The following CCSER1 variants were observed in gnomAD, a reference collection of about 807,000 sequenced individuals.
CCSER1 encodes coiled-coil serine rich protein 1, also known as serine-rich coiled-coil domain-containing protein 1.
A neutral mutation model predicts 82.0 loss-of-function variants in CCSER1; 41 were observed. The observed-to-expected ratio is 0.50, with a 90% CI of 0.39 to 0.65. The LOEUF (loss-of-function observed/expected upper bound fraction) is 0.65. Among genes scored for constraint, CCSER1 ranks in the 30% least tolerant of loss-of-function variants. CCSER1 has a pLI of 0.00. For synonymous variants in CCSER1, 414 were observed against 383.9 expected (o/e 1.08, Z -0.92); for missense variants, 1,119 against 1,064.2 (o/e 1.05, Z -0.72).
At chr4:90,518,314 G>A (rs988257052) in intron 5 of CCSER1, among the ~76,000 whole-genome samples, 2 of 152,052 alleles carry the variant, frequency 1.3e-5, no homozygotes, top group African/African-American at 4.8e-5. Context: ...AACTGAGTGT[G>A]TAATTTATTA....
intron 10 of CCSER1, among the ~76,000 whole-genome samples, chr4:91,177,207 T>C (rs1342056156): frequency 6.6e-6 from 1 of 152,240 alleles, no homozygotes; most frequent in African/African-American, 2.4e-5. Flanking sequence ...GATGTGCTGC[T>C]GGATTCGGTT....
intron 4 of CCSER1, among the ~76,000 whole-genome samples, chr4:90,436,858 G>A (rs1286776841): frequency 1.3e-5 from 2 of 151,010 alleles, no homozygotes; most frequent in South Asian, 2.1e-4. Flanking sequence ...CCAGGCTGGA[G>A]TGCAGTGGCG....
intron 10 of CCSER1, among the ~76,000 whole-genome samples, chr4:91,350,524 C>G (rs116759023): frequency 6.6e-6 from 1 of 152,022 alleles, no homozygotes; most frequent in Non-Finnish European, 1.5e-5. Context: ...CAATAGGGAA[C>G]AACTATCACC....
chr4:90,750,715 A>G (rs1456296889), intron 7 of CCSER1, among the ~76,000 whole-genome samples: 2 of 152,202 alleles, frequency 1.3e-5, no homozygotes, highest in Non-Finnish European at 2.9e-5. Flanking sequence ...CAAGCTGAAT[A>G]CTGTACACAT....
At chr4:90,554,904 A>C (rs1332686993) in intron 5 of CCSER1, among the ~76,000 whole-genome samples, 1 of 152,212 alleles carries the variant, frequency 6.6e-6, no homozygotes, top group Non-Finnish European at 1.5e-5. Context: ...AGATGAGAAG[A>C]GAGCCAACTC....
At chr4:90,563,464 T>G (rs1433428183) in intron 5 of CCSER1, among the ~76,000 whole-genome samples, 1 of 152,128 alleles carries the variant, frequency 6.6e-6, no homozygotes, top group Non-Finnish European at 1.5e-5. Context: ...CAACCACTCC[T>G]GCCCTTGATA....
chr4:90,536,690 G>T (rs370943381), intron 5 of CCSER1, among the ~76,000 whole-genome samples: 76 of 152,318 alleles, frequency 5.0e-4, no homozygotes, highest in African/African-American at 1.7e-3. Flanking sequence ...GATAATTGAA[G>T]ATCTGGCTTA....
intron 5 of CCSER1, among the ~76,000 whole-genome samples, chr4:90,557,836 T>A (rs1778312881): frequency 6.6e-6 from 1 of 152,138 alleles, no homozygotes; most frequent in Non-Finnish European, 1.5e-5. Context: ...TTAAACGTAT[T>A]TAGTACCATA....
At chr4:90,862,256 A>G (rs1159723720) in intron 8 of CCSER1, among the ~76,000 whole-genome samples, 2 of 151,876 alleles carry the variant, frequency 1.3e-5, no homozygotes, top group Admixed American at 1.3e-4. Flanking sequence ...GTGTTTTCAT[A>G]TGCACTTAAA....
intron 10 of CCSER1, among the ~76,000 whole-genome samples, chr4:91,459,936 T>G (rs1258330110): frequency 6.6e-6 from 1 of 152,100 alleles, no homozygotes; most frequent in Admixed American, 6.5e-5. Flanking sequence ...AGATAGCCAT[T>G]GACTAAGAAA....
rs780051564 is a variant in CCSER1 at position 90,765,325 on chromosome 4, C to T, written c.2010+41334C>T. On this transcript the variant is annotated intron_variant, in intron 7 of 10. Transcript: ENST00000509176. Reference sequence around the variant, plus strand: ...CATAAAATCCTAATGCACTTATTAACGATGCATATATATGCAGATTTTAAA... The same window carrying T: ...CATAAAATCCTAATGCACTTATTAATGATGCATATATATGCAGATTTTAAA... 7.8e-4 allele frequency among the ~76,000 whole-genome samples: 119 copies of T among 152,070 alleles called. 2 individuals are homozygous for T. Among genetic ancestry groups the T allele is most frequent in the Admixed American group, 7.9e-4 (12 of 15,256 alleles).
chr4:90,291,023 A>G (rs572225008), intron 1 of CCSER1, among the ~76,000 whole-genome samples: 1 of 152,030 alleles, frequency 6.6e-6, no homozygotes, highest in Non-Finnish European at 1.5e-5. Flanking sequence ...TATTTATCTG[A>G]TAGGAATAAT....
intron 8 of CCSER1, chr4:90,838,941 C>G (rs1183273561): frequency 1.2e-6 from 2 of 1,613,330 alleles, no homozygotes; most frequent in African/African-American, 1.3e-5. Flanking sequence ...TCAATCGTTT[C>G]TTTGGAAGGC....
At chr4:91,580,102 T>C (rs533439371) in intron 10 of CCSER1, among the ~76,000 whole-genome samples, 22 of 151,968 alleles carry the variant, frequency 1.4e-4, no homozygotes, top group African/African-American at 5.3e-4. Flanking sequence ...AGAAATGATT[T>C]ACTGCCAGTT....
At chr4:91,551,100 A>C (rs1453411706) in intron 10 of CCSER1, among the ~76,000 whole-genome samples, 1 of 152,102 alleles carries the variant, frequency 6.6e-6, no homozygotes, top group African/African-American at 2.4e-5. Flanking sequence ...GATTTTTGTT[A>C]CATTATTTTA....
At chr4:91,573,901 C>A (rs1387816928) in intron 10 of CCSER1, among the ~76,000 whole-genome samples, 1 of 151,974 alleles carries the variant, frequency 6.6e-6, no homozygotes, top group African/African-American at 2.4e-5. Flanking sequence ...AGAAAGCAAT[C>A]CCACTTAAAA....
At chr4:90,258,462 A>G (rs1723740552) in intron 1 of CCSER1, among the ~76,000 whole-genome samples, 1 of 152,210 alleles carries the variant, frequency 6.6e-6, no homozygotes, top group South Asian at 2.1e-4. Flanking sequence ...CAGTGAGCTG[A>G]GATCACGCCA....
chr4:90,918,570 A>G (rs1727871974), intron 8 of CCSER1, among the ~76,000 whole-genome samples: 1 of 116,864 alleles, frequency 8.6e-6, no homozygotes, highest in South Asian at 2.3e-4. Flanking sequence ...GAGTATGCGC[A>G]CGTGCAAATG....
At chr4:91,497,351 C>G (rs1643172490) in intron 10 of CCSER1, among the ~76,000 whole-genome samples, 1 of 151,426 alleles carries the variant, frequency 6.6e-6, no homozygotes, top group Non-Finnish European at 1.5e-5. Context: ...GTTTACATTT[C>G]TAAAAAAAAT....
Sources: allele counts gnomAD v4.1 joint callset (sites outside exome capture counted in the v4.1 genomes callset), GRCh38; gene constraint gnomAD v4.1.1; transcripts MANE v1.5; gene names NCBI Gene and HGNC (gene_info 2026-07-23, HGNC 2026-07-21).